Variants in FAT2 observed in about 807,000 individuals in gnomAD.
FAT2 encodes FAT atypical cadherin 2.
Under a neutral mutation model 295.3 loss-of-function variants are expected in FAT2, and 150 were observed. That is an observed-to-expected ratio of 0.51 (90% CI 0.44 to 0.58). The LOEUF (loss-of-function observed/expected upper bound fraction) is 0.58. Among genes scored for constraint, FAT2 ranks in the 20% least tolerant of loss-of-function variants. The pLI is 0.00. For synonymous variants in FAT2, 2,026 were observed against 2,150.3 expected (o/e 0.94, Z 1.60); for missense variants, 4,868 against 5,442.7 (o/e 0.89, Z 3.32).
rs748485878 is a variant in FAT2 at position 151,545,529 on chromosome 5, A to G, written c.5598T>C (p.Asn1866=). 1 of 1,614,196 alleles carries G rather than the reference A, an allele frequency of 6.2e-7. No individual in the cohort carries two copies. Among genetic ancestry groups the G allele is most frequent in the Non-Finnish European group, 8.5e-7 (1 of 1,180,030 alleles). Residue 1866 remains asparagine (N), a synonymous_variant, in exon 10 of 24, where the codon AAT becomes AAC. Coordinates refer to ENST00000261800, the MANE Select transcript of FAT2 (RefSeq NM_001447.3). ...GTTCTGAGAATCTGGGAGGGGAATC[A>G]TTCACATCTCTGACATGAATGATGA... ...AQVIIHVRDV[N]DSPPRFSEQI...
In FAT2 at chr5:151,540,660, G is replaced by A. The variant is rs1384838336; in HGVS notation, c.8946C>T (p.Leu2982=). Residue 2982 remains leucine, a synonymous_variant, in exon 11 of 24, where the codon CTC becomes CTT. Transcript: ENST00000261800. ...LDREHTAKYL[L]RVTASDGKFQ... ...ACTTGCCATCAGATGCTGTGACTCT[G>A]AGCAAGTACTTGGCTGTATGCTCGC... 1.2e-6 allele frequency: 2 copies of A among 1,614,080 alleles called. No homozygotes were observed. Among genetic ancestry groups the A allele is most frequent in the African/African-American group, 2.7e-5 (2 of 74,920 alleles).
Position 151,558,658 on chromosome 5 carries a change from T to G in FAT2, c.3575-2256A>C, listed in dbSNP as rs1204466234. Reference sequence around the variant, plus strand: ...GGAGCTACAGCAGAAATAACAACTATTGCCTTCCGTTTCAGAGAAACCATG... The same window carrying G: ...GGAGCTACAGCAGAAATAACAACTAGTGCCTTCCGTTTCAGAGAAACCATG... On this transcript the variant is annotated intron_variant, in intron 3 of 23. Transcript: ENST00000261800. Among the ~76,000 whole-genome samples, 3 of 152,034 alleles carry G rather than the reference T, an allele frequency of 2.0e-5. No homozygotes were observed. In the East Asian group the frequency reaches 5.8e-4, roughly 29 times the overall value.
At chr5:151,528,187 G>T in intron 15 of FAT2, 54 bp from the exon 16 acceptor site, 2 of 1,598,410 alleles carry the variant, frequency 1.3e-6, no homozygotes, top group East Asian at 4.5e-5. Flanking sequence ...TGACCCCTGG[G>T]AGTACAGGGG....
intron 1 of FAT2, among the ~76,000 whole-genome samples, chr5:151,575,906 G>A (rs1461517359): frequency 2.6e-5 from 4 of 152,162 alleles, no homozygotes; most frequent in Non-Finnish European, 5.9e-5. Context: ...GTACAATTGA[G>A]GAGTTGAGTT....
Position 151,567,319 on chromosome 5 carries a change from C to T in FAT2, c.1613G>A (p.Trp538Ter), listed in dbSNP as rs1271150416. Reference protein sequence around the residue: ...IYTFRVRASDWGSPFRREKEV... With the variant: ...IYTFRVRASD Reference sequence around the variant, plus strand: ...CTTCTCCCGGCGAAAAGGGGATCCCCAGTCTGATGCTCTTACCCGGAAGGT... The same window carrying T: ...CTTCTCCCGGCGAAAAGGGGATCCCTAGTCTGATGCTCTTACCCGGAAGGT... Residue 538 changes from tryptophan to a stop codon, truncating the protein, a stop_gained, in exon 2 of 24, where the codon TGG becomes TAG. Coordinates refer to ENST00000261800, the MANE Select transcript of FAT2 (RefSeq NM_001447.3). LOFTEE classifies it high-confidence loss of function. 6.2e-7 allele frequency: 1 copy of T among 1,614,152 alleles called. No homozygotes were observed.
intron 12 of FAT2, among the ~76,000 whole-genome samples, chr5:151,536,120 T>G (rs1755249782): frequency 6.6e-6 from 1 of 152,194 alleles, no homozygotes; most frequent in African/African-American, 2.4e-5. Flanking sequence ...AGTCCTTATC[T>G]GTGGAGGAAG....
intron 18 of FAT2, among the ~76,000 whole-genome samples, chr5:151,525,228 G>C (rs6885657): frequency 0.68 from 102,701 of 152,144 alleles, 35,080 homozygotes; most frequent in East Asian, 0.92. Flanking sequence ...TAAAGTGAGG[G>C]AGAGATATCA....
intron 1 of FAT2, among the ~76,000 whole-genome samples, chr5:151,571,083 C>A (rs1383858813): frequency 6.6e-6 from 1 of 152,108 alleles, no homozygotes; most frequent in African/African-American, 2.4e-5. Context: ...GCAGATTCTT[C>A]ATTCGAGGTC....
At chr5:151,510,303 G>T in intron 21 of FAT2, 129 bp from the exon 22 acceptor site, 2 of 1,087,716 alleles carry the variant, frequency 1.8e-6, no homozygotes, top group Non-Finnish European at 2.7e-6. Flanking sequence ...TCCCCTCTGT[G>T]CCCAATACCG....
chr5:151,565,598 C>A, intron 2 of FAT2, 75 bp downstream of exon 2: 1 of 1,449,118 alleles, frequency 6.9e-7, no homozygotes, highest in South Asian at 1.5e-5. Context: ...TTCCTTCAGC[C>A]CGCAGGCTGA....
In FAT2 at chr5:151,566,968, T is replaced by G. The variant is rs1295987408; in HGVS notation, c.1964A>C (p.Asn655Thr). The change falls in exon 2 of 24, where the codon AAT becomes ACT. Residue 655 changes from asparagine (N) to threonine (T), a missense_variant. This residue lies in a region of FAT2 where 3,297 missense variants were observed against 3,669.4 expected (regional missense o/e 0.90). Transcript: ENST00000261800. ...GKNYASPTTLNITVVKDPHFE... is the reference protein window; with the variant it reads ...GKNYASPTTLTITVVKDPHFE... ...ATGAGGGTCCTTCACCACAGTAATA[T>G]TCAAAGTTGTGGGTGAGGCATAGTT... The G allele has an allele frequency of 2.5e-6, 4 of 1,614,138 alleles. No homozygotes were observed. The Admixed American group carries it at 6.7e-5, about 27-fold the overall frequency.
At position 151,548,927 on chromosome 5, in the gene FAT2, T is replaced by C. The variant is rs139212433; in HGVS notation, c.4789+368A>G. Among the ~76,000 whole-genome samples the C allele has an allele frequency of 3.3e-5, 5 of 152,334 alleles. No homozygotes were observed. The East Asian group carries it at 5.8e-4, about 18-fold the overall frequency. ...TGGAGCCTTATCAGAAAATAAAAAT[T>C]ACTTCTAAAACTATGCCATACACTT... On this transcript the variant is annotated intron_variant, in intron 9 of 23. Transcript: ENST00000261800.
intron 12 of FAT2, among the ~76,000 whole-genome samples, chr5:151,535,335 A>T (rs190704216): frequency 7.9e-5 from 12 of 152,046 alleles, no homozygotes; most frequent in Admixed American, 7.2e-4. Flanking sequence ...CAAGATTCCC[A>T]TCTTTCCCCC....
Position 151,546,183 on chromosome 5 carries a change from A to T in FAT2, c.4944T>A (p.Ile1648=), listed in dbSNP as rs2127614282. The T allele has an allele frequency of 6.2e-7, 1 of 1,614,198 alleles. No homozygotes were observed. The highest frequency in any genetic ancestry group is 8.5e-7 in the Non-Finnish European group (1 of 1,180,028). ...PQWHDLATVI[I]HVYPSDRSAP... is the part of the protein sequence containing the mutation. ...CACTCCTATCTGAGGGATAGACATG[A>T]ATGATCACTGTAGCCAGGTCATGCC... The change falls in exon 10 of 24, where the codon ATT becomes ATA. Residue 1648 remains isoleucine (I), a synonymous_variant. Coordinates refer to ENST00000261800, the MANE Select transcript of FAT2 (RefSeq NM_001447.3).
chr5:151,530,868 C>T (rs1322564303), intron 14 of FAT2, among the ~76,000 whole-genome samples: 1 of 152,092 alleles, frequency 6.6e-6, no homozygotes, highest in African/African-American at 2.4e-5. Flanking sequence ...ACACAGGGCT[C>T]ATTGTACTAT....
intron 1 of FAT2, among the ~76,000 whole-genome samples, chr5:151,586,532 C>A (rs1421056079): frequency 6.6e-6 from 1 of 152,194 alleles, no homozygotes; most frequent in African/African-American, 2.4e-5. Flanking sequence ...ATATCAGGCA[C>A]TGTGGTCGGC....
At chr5:151,536,610 C>G (rs1337070856) in intron 12 of FAT2, among the ~76,000 whole-genome samples, 1 of 152,232 alleles carries the variant, frequency 6.6e-6, no homozygotes, top group South Asian at 2.1e-4. Flanking sequence ...CTGGCTACTC[C>G]TGGCCTACCC....
chr5:151,585,660 C>G (rs1399481371), intron 1 of FAT2, among the ~76,000 whole-genome samples: 2 of 152,176 alleles, frequency 1.3e-5, no homozygotes, highest in Non-Finnish European at 2.9e-5. Context: ...TTTATGCACT[C>G]TGTTTTTGAA....
chr5:151,589,115 G>A (rs1386612078), intron 1 of FAT2, among the ~76,000 whole-genome samples: 1 of 152,140 alleles, frequency 6.6e-6, no homozygotes, highest in Non-Finnish European at 1.5e-5. Flanking sequence ...CATTCTAGGG[G>A]CTCAGGGATC....
Sources: gnomAD v4.1 joint callset for allele counts (sites outside exome capture counted in the v4.1 genomes callset) on GRCh38, gnomAD v4.1.1 for gene constraint, gnomAD v4.1.1 regional missense constraint, MANE v1.5 for transcripts, NCBI Gene and HGNC (gene_info 2026-07-23, HGNC 2026-07-21) for gene names.